The following FBXO9 variants were observed in gnomAD, a reference collection of about 807,000 sequenced individuals.
FBXO9 encodes the protein F-box only protein 9.
A neutral mutation model predicts 63.7 loss-of-function variants in FBXO9; 43 were observed. The observed-to-expected ratio is 0.67, with a 90% CI of 0.53 to 0.87. The LOEUF (loss-of-function observed/expected upper bound fraction) is 0.87, where lower values mean the gene tolerates loss of function less well. FBXO9 is among the 40% of genes least tolerant of loss of function. The probability of loss-of-function intolerance (pLI) is 0.00; values close to 1 mark genes in which losing one functional copy is unlikely to be tolerated. For synonymous variants in FBXO9, 156 were observed against 171.7 expected (o/e 0.91, Z 0.72); for missense variants, 442 against 533.2 (o/e 0.83, Z 1.68).
chr6:53,082,225 A>G (rs1035971315), intron 6 of FBXO9, among the ~76,000 whole-genome samples: 10 of 152,224 alleles, frequency 6.6e-5, no homozygotes, highest in African/African-American at 2.4e-4. Flanking sequence ...ATTTTCCTAA[A>G]ACATTTATTT....
chr6:53,090,954 A>C (rs1468420168), intron 7 of FBXO9: 1 of 152,184 alleles, frequency 6.6e-6, no homozygotes, highest in East Asian at 1.9e-4. Context: ...TTAAAACTGA[A>C]TACTTAGCTG....
At chr6:53,079,084 T>TTAAACAGATACAAAAA (rs563824960) in intron 5 of FBXO9, among the ~76,000 whole-genome samples, 186 bp downstream of exon 5, 3 of 152,230 alleles carry the variant, frequency 2.0e-5, no homozygotes, top group Non-Finnish European at 2.9e-5. Flanking sequence ...AATGCACCTT[T>TTAAACAGATACAAAAA]TAAACAGATA....
Position 53,079,227 on chromosome 6 carries a change from A to G in FBXO9, c.407+329A>G, listed in dbSNP as rs556040767. Among the ~76,000 whole-genome samples the G allele has an allele frequency of 2.6e-5, 4 of 152,300 alleles. No individual in the cohort carries two copies. The South Asian group carries it at 8.3e-4, about 32-fold the overall frequency. On this transcript the variant is annotated intron_variant, in intron 5 of 12. Transcript: ENST00000323557. ...AAACCTATTTGAAGTAGAAAGTTTT[A>G]AAATGTAATTAGGCTAAATTTGGCA...
chr6:53,086,217 T>C (rs1272901387), intron 7 of FBXO9, among the ~76,000 whole-genome samples: 3 of 152,338 alleles, frequency 2.0e-5, no homozygotes, highest in African/African-American at 4.8e-5. Flanking sequence ...GGATCTTGAC[T>C]CTGGGGAAAC....
intron 7 of FBXO9, among the ~76,000 whole-genome samples, chr6:53,085,233 CTTTA>C: frequency 6.6e-6 from 1 of 152,210 alleles, no homozygotes; most frequent in Admixed American, 6.5e-5. Context: ...TATGCTTGAT[CTTTA>C]TTAGCAGTTC....
At chr6:53,079,219 A>G (rs1011703603) in intron 5 of FBXO9, among the ~76,000 whole-genome samples, 1 of 152,202 alleles carries the variant, frequency 6.6e-6, no homozygotes, top group Non-Finnish European at 1.5e-5. Context: ...TTTGAAGTAG[A>G]AAGTTTTAAA....
intron 2 of FBXO9, 76 bp downstream of exon 2, chr6:53,071,219 G>C (rs549684821): frequency 7.4e-7 from 1 of 1,343,508 alleles, no homozygotes; most frequent in East Asian, 2.5e-5. Flanking sequence ...CATAATCATG[G>C]GTATTTGTAG....
intron 3 of FBXO9, among the ~76,000 whole-genome samples, chr6:53,074,248 C>T (rs1031483864): frequency 4.6e-5 from 7 of 152,274 alleles, no homozygotes; most frequent in African/African-American, 1.7e-4. Context: ...TAGAGGCTGC[C>T]ATCTTTTTAC....
chr6:53,087,399 G>GAGCT (rs1465679902), intron 7 of FBXO9, among the ~76,000 whole-genome samples: 2 of 147,262 alleles, frequency 1.4e-5, no homozygotes, highest in Non-Finnish European at 3.0e-5. Context: ...ATTAACAGCA[G>GAGCT]AGCTAGAACT....
intron 7 of FBXO9, among the ~76,000 whole-genome samples, chr6:53,089,708 A>G (rs866594680): frequency 6.6e-6 from 1 of 152,214 alleles, no homozygotes; most frequent in South Asian, 2.1e-4. Flanking sequence ...AAAGGGATGT[A>G]TGGTCCTTTA....
chr6:53,073,466 C>G lies in FBXO9; in HGVS notation c.91-15C>G. 6.2e-7 allele frequency: 1 copy of G among 1,610,998 alleles called. No individual in the cohort carries two copies. Among genetic ancestry groups the G allele is most frequent in the South Asian group, 1.1e-5 (1 of 90,764 alleles). On this transcript the variant is annotated splice_polypyrimidine_tract_variant and intron_variant, in intron 2 of 12. Coordinates refer to ENST00000323557, the MANE Select transcript of FBXO9 (RefSeq NM_033480.3). ...CCCTTCCTTGATGAGTCCTAAAATG[C>G]TGTTCTCCCCATAGGCACAACTCCA... is the stretch of plus-strand genomic sequence containing the variant.
At chr6:53,070,839 T>A (rs745814725) in intron 1 of FBXO9, 80 of 589,238 alleles carry the variant, frequency 1.4e-4, no homozygotes, top group Non-Finnish European at 2.1e-4. Flanking sequence ...ACGTGAGTAC[T>A]GTGGGTTGGA....
chr6:53,072,474 G>A (rs1454486542), intron 2 of FBXO9, among the ~76,000 whole-genome samples: 2 of 152,218 alleles, frequency 1.3e-5, no homozygotes, highest in Admixed American at 1.3e-4. Flanking sequence ...GAGTTCTGAA[G>A]ATGAAATACC....
chr6:53,093,482 C>T lies in FBXO9; in HGVS notation c.880C>T (p.Pro294Ser), dbSNP rs200845684. The change falls in exon 10 of 13, where the codon CCT becomes TCT. Residue 294 changes from proline (P) to serine (S), a missense_variant. Pro to Ser is a moderately conservative substitution (Grantham distance 74). Around this residue, in one of 2 missense-constraint regions of FBXO9, gnomAD observed 262 missense variants for 362.1 expected, o/e 0.72. Coordinates refer to ENST00000323557, the MANE Select transcript of FBXO9 (RefSeq NM_033480.3). ...VEYYRYIRFF[P>S]DGHVMMLTTP... ...ATTACATAGGTACATAAGATTCTTT[C>T]CTGATGGCCATGTGATGATGTTGAC... 937 of 1,613,358 alleles carry T rather than the reference C, an allele frequency of 5.8e-4. 1 individual carries two copies. The African/African-American group carries it at 0.011, about 18-fold the overall frequency.
Position 53,078,862 on chromosome 6 carries a change from C to T in FBXO9, c.371C>T (p.Thr124Ile). The T allele has an allele frequency of 1.9e-6, 3 of 1,613,820 alleles. No homozygotes were observed. Among genetic ancestry groups the T allele is most frequent in the Non-Finnish European group, 2.5e-6 (3 of 1,179,768 alleles). Reference sequence around the variant, plus strand: ...GATATAGAGTTCAAGATTACTTATACCCGGTCTCCAGATGGTGATGGCGTT... The same window carrying T: ...GATATAGAGTTCAAGATTACTTATATCCGGTCTCCAGATGGTGATGGCGTT... Reference protein sequence around the residue: ...VPDIEFKITYTRSPDGDGVGN... With the variant: ...VPDIEFKITYIRSPDGDGVGN... The change falls in exon 5 of 13, where the codon ACC (threonine) becomes ATC (isoleucine). Residue 124 changes from threonine to isoleucine, a missense_variant. Thr to Ile is a moderately conservative substitution (Grantham distance 89). Around this residue, in one of 2 missense-constraint regions of FBXO9, gnomAD observed 180 missense variants for 171.1 expected, o/e 1.05. Coordinates refer to ENST00000323557, the MANE Select transcript of FBXO9 (RefSeq NM_033480.3).
chr6:53,077,378 CAGG>C (rs1370677059), intron 4 of FBXO9, among the ~76,000 whole-genome samples: 2 of 139,814 alleles, frequency 1.4e-5, no homozygotes, highest in Non-Finnish European at 3.0e-5. Flanking sequence ...GAGGCTGAGG[CAGG>C]AGAATGGCGT....
At chr6:53,085,844 G>T (rs554582266) in intron 7 of FBXO9, among the ~76,000 whole-genome samples, 2 of 152,190 alleles carry the variant, frequency 1.3e-5, no homozygotes, top group South Asian at 4.2e-4. Context: ...CTTTCCAGGA[G>T]CCCAACTAGA....
At chr6:53,076,919 A>G (rs969468762) in intron 4 of FBXO9, among the ~76,000 whole-genome samples, 1 of 152,150 alleles carries the variant, frequency 6.6e-6, no homozygotes, top group Non-Finnish European at 1.5e-5. Flanking sequence ...AAAAAATAGA[A>G]ATTGTTTTTC....
chr6:53,091,007 G>C (rs989753094), intron 7 of FBXO9: 5 of 152,226 alleles, frequency 3.3e-5, no homozygotes, highest in African/African-American at 1.2e-4. Flanking sequence ...TGTTCAAAAG[G>C]TTAAGGCAGG....
Sources: gnomAD v4.1 joint callset for allele counts (sites outside exome capture counted in the v4.1 genomes callset) on GRCh38, gnomAD v4.1.1 for gene constraint, gnomAD v4.1.1 regional missense constraint, MANE v1.5 for transcripts, NCBI Gene and HGNC (gene_info 2026-07-23, HGNC 2026-07-21) for gene names.